The following NELL1 variants were observed in gnomAD, a reference collection of about 807,000 sequenced individuals.
NELL1 encodes the protein protein kinase C-binding protein NELL1.
In NELL1, 76 loss-of-function variants were observed where a neutral mutation model predicts 107.4. That is an observed-to-expected ratio of 0.71 (90% confidence interval 0.59 to 0.86). The LOEUF (loss-of-function observed/expected upper bound fraction) is 0.86, where lower values mean the gene tolerates loss of function less well. Among genes scored for constraint, NELL1 ranks in the 40% least tolerant of loss-of-function variants. NELL1 has a pLI of 0.00. For missense variants in NELL1, 1,024 were observed against 1,005.5 expected (o/e 1.02, Z -0.25); for synonymous variants, 353 against 341.2 (o/e 1.03, Z -0.38).
At chr11:20,761,079 G>A (rs1009933117) in intron 2 of NELL1, among the ~76,000 whole-genome samples, 8 of 152,206 alleles carry the variant, frequency 5.3e-5, no homozygotes, top group Non-Finnish European at 8.8e-5. Context: ...CAAACTGCAG[G>A]CATGTCTGGC....
chr11:20,865,395 C>T (rs1590361561), intron 4 of NELL1, among the ~76,000 whole-genome samples: 1 of 152,084 alleles, frequency 6.6e-6, no homozygotes, highest in African/African-American at 2.4e-5. Flanking sequence ...TGCAATAATC[C>T]CTCAAGTGGG....
chr11:20,839,208 T>A (rs916482719), intron 3 of NELL1, among the ~76,000 whole-genome samples: 2 of 152,218 alleles, frequency 1.3e-5, no homozygotes, highest in African/African-American at 4.8e-5. Context: ...TGTGGATTTT[T>A]AAAGAGTGTA....
chr11:21,532,244 A>G (rs189609764), intron 15 of NELL1, among the ~76,000 whole-genome samples: 1 of 152,246 alleles, frequency 6.6e-6, no homozygotes, highest in East Asian at 1.9e-4. Flanking sequence ...TAACTGTCTG[A>G]TTGTCTTCAC....
chr11:20,711,067 T>G (rs772889252), intron 2 of NELL1, among the ~76,000 whole-genome samples: 17 of 152,120 alleles, frequency 1.1e-4, no homozygotes, highest in Non-Finnish European at 2.1e-4. Context: ...TTTTTCTGAG[T>G]TTAGGTTTGG....
rs796982223 is a variant in NELL1, at chr11:21,090,196, T to C, written c.1301-23393T>C. ...ATGGGTGTTAAATGGCCCAGAAACA[T>C]TGGTCTCAGCTGGGTTTATAAAGGC... On this transcript the variant is annotated intron_variant, in intron 12 of 19. Transcript: ENST00000357134. 5.3e-5 allele frequency among the ~76,000 whole-genome samples: 8 copies of C among 152,138 alleles called. No homozygotes were observed. In the South Asian group the frequency reaches 1.4e-3, roughly 28 times the overall value.
intron 2 of NELL1, among the ~76,000 whole-genome samples, chr11:20,756,094 G>GTGTTAGCCAGGA (rs1312236427): frequency 6.6e-6 from 1 of 150,850 alleles, no homozygotes; most frequent in Admixed American, 6.6e-5. Context: ...GGGTTTCACC[G>GTGTTAGCCAGGA]TGGTCTCGAT....
chr11:20,761,176 G>T (rs956117783), intron 2 of NELL1, among the ~76,000 whole-genome samples: 2 of 152,200 alleles, frequency 1.3e-5, no homozygotes, highest in African/African-American at 4.8e-5. Flanking sequence ...GTTGCCTGTT[G>T]TCATGAAGTG....
intron 14 of NELL1, among the ~76,000 whole-genome samples, chr11:21,346,866 A>G (rs1446994016): frequency 6.6e-6 from 1 of 152,096 alleles, no homozygotes; most frequent in African/African-American, 2.4e-5. Flanking sequence ...GCCATTTACT[A>G]TGTAGATGAT....
chr11:20,943,294 AAGC>A (rs1850894964), intron 10 of NELL1, among the ~76,000 whole-genome samples: 1 of 152,168 alleles, frequency 6.6e-6, no homozygotes, highest in Non-Finnish European at 1.5e-5. Context: ...GCACAATTTA[AAGC>A]ATCTAAAACA....
At chr11:21,266,462 TG>T (rs1486461613) in intron 14 of NELL1, among the ~76,000 whole-genome samples, 2 of 152,204 alleles carry the variant, frequency 1.3e-5, no homozygotes, top group East Asian at 3.9e-4. Flanking sequence ...GTAATCTACG[TG>T]GGCCCATGAA....
At chr11:20,818,201 T>A (rs1857666223) in intron 3 of NELL1, among the ~76,000 whole-genome samples, 1 of 152,210 alleles carries the variant, frequency 6.6e-6, no homozygotes, top group African/African-American at 2.4e-5. Flanking sequence ...CCAACTATTA[T>A]GTGTGACTTT....
chr11:21,367,694 C>A (rs1851259374), intron 14 of NELL1, among the ~76,000 whole-genome samples: 2 of 151,948 alleles, frequency 1.3e-5, no homozygotes, highest in Non-Finnish European at 2.9e-5. Context: ...TTAATTTAAT[C>A]CCCCCAGCAT....
intron 14 of NELL1, among the ~76,000 whole-genome samples, chr11:21,269,735 A>G (rs570191317): frequency 2.0e-5 from 3 of 152,268 alleles, no homozygotes; most frequent in African/African-American, 7.2e-5. Flanking sequence ...ATGGATCTAC[A>G]TAAAGAAAGA....
intron 12 of NELL1, among the ~76,000 whole-genome samples, chr11:20,985,167 G>A (rs1205711348): frequency 1.3e-5 from 2 of 152,108 alleles, no homozygotes; most frequent in African/African-American, 2.4e-5. Flanking sequence ...TCTTTGAATA[G>A]TAGAAAATTC....
intron 14 of NELL1, among the ~76,000 whole-genome samples, chr11:21,274,503 TAAC>T (rs1319957872): frequency 1.3e-5 from 2 of 152,038 alleles, no homozygotes; most frequent in Admixed American, 1.3e-4. Flanking sequence ...GACAGAAAAT[TAAC>T]AACGATATCC....
chr11:21,410,800 T>C (rs1430285815), intron 15 of NELL1, among the ~76,000 whole-genome samples: 2 of 152,124 alleles, frequency 1.3e-5, no homozygotes, highest in South Asian at 2.1e-4. Context: ...GTGAACTGCC[T>C]ACTCTGCACT....
chr11:21,456,963 A>G (rs1853761083), intron 15 of NELL1, among the ~76,000 whole-genome samples: 1 of 151,236 alleles, frequency 6.6e-6, no homozygotes, highest in African/African-American at 2.5e-5. Context: ...TAAATTCTAT[A>G]TCCCTTAAGA....
chr11:21,323,489 G>A (rs528670514), intron 14 of NELL1, among the ~76,000 whole-genome samples: 2 of 152,198 alleles, frequency 1.3e-5, no homozygotes, highest in Admixed American at 1.3e-4. Flanking sequence ...CCATTTCTTA[G>A]TGACCTAGGA....
intron 4 of NELL1, among the ~76,000 whole-genome samples, chr11:20,859,245 T>C (rs953702496): frequency 6.6e-6 from 1 of 152,184 alleles, no homozygotes; most frequent in Non-Finnish European, 1.5e-5. Context: ...TCCACGGACA[T>C]TGGTTAGGCC....
Sources: allele counts gnomAD v4.1 joint callset (sites outside exome capture counted in the v4.1 genomes callset), GRCh38; gene constraint gnomAD v4.1.1; transcripts MANE v1.5; gene names NCBI Gene and HGNC (gene_info 2026-07-23, HGNC 2026-07-21).